Variants in APP observed in about 807,000 individuals in gnomAD.
APP encodes the protein amyloid beta precursor protein.
A neutral mutation model predicts 101.4 loss-of-function variants in APP; 31 were observed. The observed-to-expected ratio is 0.31, with a 90% CI of 0.23 to 0.41. The LOEUF is 0.41. APP is among the 10% of genes least tolerant of loss of function. APP has a pLI of 1.00. For synonymous variants in APP, 366 were observed against 364.4 expected, an observed-to-expected ratio of 1.00 and a Z score of -0.05; for missense variants, 839 against 1,003.7, an observed-to-expected ratio of 0.84 and a Z score of 2.22.
At chr21:26,145,169 C>T (rs911585414) in intron 1 of APP, among the ~76,000 whole-genome samples, 5 of 152,078 alleles carry the variant, frequency 3.3e-5, no homozygotes, top group Admixed American at 6.6e-5. Flanking sequence ...GACTACCTAC[C>T]AGGAATGGCA....
intron 1 of APP, among the ~76,000 whole-genome samples, chr21:26,135,736 G>T (rs2062882600): frequency 6.6e-6 from 1 of 152,128 alleles, no homozygotes; most frequent in Non-Finnish European, 1.5e-5. Context: ...CATCATCCCA[G>T]ATCTTTATCT....
At chr21:26,018,437 C>T (rs2044196802) in intron 6 of APP, among the ~76,000 whole-genome samples, 1 of 152,208 alleles carries the variant, frequency 6.6e-6, no homozygotes, top group Admixed American at 6.5e-5. Context: ...ATGGCGTTGC[C>T]ATTGCTCTCA....
chr21:25,948,160 G>T (rs949196851), intron 13 of APP, among the ~76,000 whole-genome samples: 3 of 109,930 alleles, frequency 2.7e-5, no homozygotes, highest in African/African-American at 1.5e-4. Flanking sequence ...TTGCTGTTAT[G>T]ATTTTTTTTT....
intron 6 of APP, among the ~76,000 whole-genome samples, chr21:26,010,814 T>C (rs13047508): frequency 1 from 129,275 of 129,314 alleles, 64,619 homozygotes; most frequent in Middle Eastern, 1. Context: ...GAGTGAGACT[T>C]CGTCTCAAAA....
chr21:26,052,817 A>G (rs561989206), intron 4 of APP, among the ~76,000 whole-genome samples: 40 of 152,356 alleles, frequency 2.6e-4, no homozygotes, highest in Non-Finnish European at 4.7e-4. Flanking sequence ...AGAAAACAAC[A>G]GGTGCATAAA....
At chr21:26,021,714 C>G (rs45580535) in intron 6 of APP, 126 bp downstream of exon 6, 49 of 1,361,304 alleles carry the variant, frequency 3.6e-5, no homozygotes, top group Admixed American at 1.1e-4. Flanking sequence ...GCATAAGAAG[C>G]CTTTTGGAAA....
intron 15 of APP, among the ~76,000 whole-genome samples, chr21:25,898,641 C>CT (rs1185748298): frequency 2.0e-5 from 3 of 152,118 alleles, no homozygotes; most frequent in Non-Finnish European, 2.9e-5. Context: ...CCAAACTGTC[C>CT]TTTTTTTACA....
Position 25,975,101 on chromosome 21 carries a change from T to C in APP, c.1427A>G (p.Tyr476Cys). The C allele has an allele frequency of 1.2e-6, 2 of 1,614,056 alleles. No homozygotes were observed. The highest frequency in any genetic ancestry group is 1.7e-6 in the Non-Finnish European group (2 of 1,180,014). The change falls in exon 11 of 18, where the codon TAC (tyrosine) becomes TGC (cysteine). Residue 476 changes from tyrosine (Y) to cysteine (C), a missense_variant. Transcript: ENST00000346798. The stretch of plus-strand genomic sequence containing the variant: ...AGGAACAGCCTGCAGAGCGGTGATG[T>C]AGTTCTCCAGGGCCAGGCGGCGGCG... ...NDRRRLALEN[Y>C]ITALQAVPPR... is the part of the protein sequence containing the mutation.
At chr21:26,093,337 T>A (rs2061867161) in intron 2 of APP, among the ~76,000 whole-genome samples, 7 of 152,188 alleles carry the variant, frequency 4.6e-5, no homozygotes, top group Admixed American at 4.6e-4. Context: ...AGTTACTGCA[T>A]CTTTCTAAAG....
At chr21:26,064,738 C>A (rs569991427) in intron 3 of APP, among the ~76,000 whole-genome samples, 1 of 152,184 alleles carries the variant, frequency 6.6e-6, no homozygotes, top group African/African-American at 2.4e-5. Context: ...CAATCCCCGG[C>A]GAGGCCCATG....
chr21:25,909,110 A>T (rs2038933246), intron 14 of APP, among the ~76,000 whole-genome samples: 1 of 152,010 alleles, frequency 6.6e-6, no homozygotes, highest in Non-Finnish European at 1.5e-5. Context: ...AAAAATACAA[A>T]AAATTAGCCG....
chr21:26,096,425 C>T (rs1293524443), intron 2 of APP, among the ~76,000 whole-genome samples: 5 of 151,196 alleles, frequency 3.3e-5, no homozygotes, highest in Non-Finnish European at 7.4e-5. Flanking sequence ...ACCCTCAGCT[C>T]TCTGAAGGAG....
intron 11 of APP, among the ~76,000 whole-genome samples, chr21:25,970,006 A>AAGAGAG (rs34800671): frequency 2.0e-5 from 3 of 146,722 alleles, no homozygotes; most frequent in East Asian, 2.0e-4. Flanking sequence ...GAAACAGAGA[A>AAGAGAG]AGAGAGAGAG....
intron 15 of APP, among the ~76,000 whole-genome samples, chr21:25,903,427 G>A (rs1226421915): frequency 1.3e-5 from 2 of 151,776 alleles, no homozygotes; most frequent in African/African-American, 4.8e-5. Flanking sequence ...AACATTGACT[G>A]GTAGTGTCAC....
At chr21:26,044,668 T>TA (rs1406243708) in intron 5 of APP, among the ~76,000 whole-genome samples, 1 of 152,132 alleles carries the variant, frequency 6.6e-6, no homozygotes, top group Non-Finnish European at 1.5e-5. Context: ...GCCTCCCGAG[T>TA]AGCTGGGATT....
In APP at chr21:26,000,073, G is replaced by A. The variant is rs201622977; in HGVS notation, c.975C>T (p.Gly325=). 1.1e-4 allele frequency: 177 copies of A among 1,614,088 alleles called. No individual in the cohort carries two copies. In the East Asian group the frequency reaches 1.4e-3, roughly 13 times the overall value. The change falls in exon 7 of 18, where the codon GGC becomes GGT. Residue 325 remains glycine, a synonymous_variant. Transcript: ENST00000346798. ...CTGTGTCAAAGTTGTTCCGGTTGCCGCCACATCCGCCGTAAAAGAATGGGG... is the reference window on the plus strand; with the variant it reads ...CTGTGTCAAAGTTGTTCCGGTTGCCACCACATCCGCCGTAAAAGAATGGGG... ...KCAPFFYGGC[G]GNRNNFDTEE...
intron 10 of APP, among the ~76,000 whole-genome samples, chr21:25,975,480 T>A (rs1483489379): frequency 1.3e-5 from 2 of 152,326 alleles, no homozygotes; most frequent in South Asian, 2.1e-4. Context: ...GAAGGCTGAT[T>A]TGACTAATAA....
rs140744470 is a variant in APP at position 26,144,081 on chromosome 21, G to A, written c.57+26483C>T. Among the ~76,000 whole-genome samples the A allele has an allele frequency of 2.1e-3, 312 of 152,176 alleles. 3 individuals carry two copies. Among genetic ancestry groups the A allele is most frequent in the African/African-American group, 7.2e-3 (298 of 41,512 alleles). ...GCAAACACGTCCTTCTTCACATGGT[G>A]GCAGGAAGAAGAAGTGCCAAGCAAA... On this transcript the variant is annotated intron_variant, in intron 1 of 17. Transcript: ENST00000346798.
chr21:26,140,077 T>C (rs777338951), intron 1 of APP: 13 of 1,100,708 alleles, frequency 1.2e-5, no homozygotes, highest in Admixed American at 2.0e-5. Flanking sequence ...TTGAAAGATA[T>C]TACTGTCTGA....
Sources: gnomAD v4.1 joint callset for allele counts (sites outside exome capture counted in the v4.1 genomes callset) on GRCh38, gnomAD v4.1.1 for gene constraint, MANE v1.5 for transcripts, NCBI Gene and HGNC (gene_info 2026-07-23, HGNC 2026-07-21) for gene names.